The following DAB1 variants were observed in gnomAD, a reference collection of about 807,000 sequenced individuals.
DAB1 encodes disabled homolog 1.
A neutral mutation model predicts 64.6 loss-of-function variants in DAB1; 15 were observed. The observed-to-expected ratio is 0.23, with a 90% CI of 0.16 to 0.36. The LOEUF (loss-of-function observed/expected upper bound fraction) is 0.36. Among genes scored for constraint, DAB1 ranks in the 10% least tolerant of loss-of-function variants. The pLI is 1.00. For synonymous variants in DAB1, 235 were observed against 251.9 expected (o/e 0.93, Z 0.64); for missense variants, 596 against 706.7 (o/e 0.84, Z 1.78).
intron 1 of DAB1, among the ~76,000 whole-genome samples, chr1:57,882,570 T>C (rs1644161106): frequency 1.3e-5 from 2 of 152,220 alleles, no homozygotes; most frequent in Admixed American, 1.3e-4. Context: ...CTCATAGGTG[T>C]TAAGCAGATA....
At chr1:58,151,204 G>A (rs1290061582) in intron 4 of DAB1, among the ~76,000 whole-genome samples, 8 of 152,136 alleles carry the variant, frequency 5.3e-5, no homozygotes, top group Non-Finnish European at 1.0e-4. Context: ...TTGGGTATAT[G>A]CCCAGTAATG....
At chr1:57,205,105 T>A (rs1232805525) in intron 2 of DAB1, among the ~76,000 whole-genome samples, 1 of 152,184 alleles carries the variant, frequency 6.6e-6, no homozygotes, top group African/African-American at 2.4e-5. Flanking sequence ...CCTTTGTTTG[T>A]TCTCTTATTA....
chr1:57,474,783 T>C (rs1248392268), intron 7 of DAB1, among the ~76,000 whole-genome samples: 1 of 152,214 alleles, frequency 6.6e-6, no homozygotes, highest in African/African-American at 2.4e-5. Flanking sequence ...GCTTATAGGA[T>C]ATATTTGGGG....
chr1:57,950,414 T>C (rs2100233749), intron 5 of DAB1, among the ~76,000 whole-genome samples: 1 of 152,300 alleles, frequency 6.6e-6, no homozygotes, highest in South Asian at 2.1e-4. Flanking sequence ...TCATTTCTCA[T>C]CTTTGATCAC....
At chr1:57,449,515 G>A (rs1686272415) in intron 7 of DAB1, among the ~76,000 whole-genome samples, 1 of 151,874 alleles carries the variant, frequency 6.6e-6, no homozygotes. Context: ...TAAGTAGGTG[G>A]TACTACAGGT....
chr1:57,049,450 CAAAAA>C (rs574438911), intron 9 of DAB1, among the ~76,000 whole-genome samples: 14 of 24,586 alleles, frequency 5.7e-4, no homozygotes, highest in African/African-American at 7.3e-4. Context: ...GACTCCGTCT[CAAAAA>C]AAAAAAAAAA....
chr1:57,428,878 G>GTTTGA (rs1685391015), upstream of DAB1, among the ~76,000 whole-genome samples: 1 of 143,278 alleles, frequency 7.0e-6, no homozygotes, highest in Non-Finnish European at 1.5e-5. Context: ...CAAAAAAACT[G>GTTTGA]TTTGTTTGTT....
chr1:57,153,005 T>C (rs1422136934), intron 2 of DAB1, among the ~76,000 whole-genome samples: 1 of 151,652 alleles, frequency 6.6e-6, no homozygotes, highest in Non-Finnish European at 1.5e-5. Flanking sequence ...ATACATGTAC[T>C]ACTGATAATC....
intron 6 of DAB1, among the ~76,000 whole-genome samples, chr1:57,771,454 G>C (rs1301267838): frequency 6.6e-6 from 1 of 152,086 alleles, no homozygotes; most frequent in Non-Finnish European, 1.5e-5. Flanking sequence ...TGTGACATGG[G>C]ATGTTAGCCC....
At chr1:58,032,080 T>A (rs926462090) in intron 5 of DAB1, among the ~76,000 whole-genome samples, 1 of 151,404 alleles carries the variant, frequency 6.6e-6, no homozygotes, top group Non-Finnish European at 1.5e-5. Flanking sequence ...AAGTGTGGTC[T>A]ATGGACAAGC....
At chr1:58,546,083 C>T (rs1222855039) in intron 1 of DAB1, among the ~76,000 whole-genome samples, 1 of 152,218 alleles carries the variant, frequency 6.6e-6, no homozygotes, top group African/African-American at 2.4e-5. Context: ...TTGCTCCACA[C>T]ACAGGCGACA....
chr1:57,612,869 C>T (rs1033312411), intron 7 of DAB1, among the ~76,000 whole-genome samples: 1 of 151,908 alleles, frequency 6.6e-6, no homozygotes, highest in Admixed American at 6.6e-5. Context: ...TCATAGGAGG[C>T]ATTAAAAAAA....
chr1:58,244,325 C>A (rs1660438699), intron 4 of DAB1, among the ~76,000 whole-genome samples: 1 of 152,072 alleles, frequency 6.6e-6, no homozygotes, highest in South Asian at 2.1e-4. Flanking sequence ...TACACAGGTC[C>A]CAGAATCTTA....
chr1:57,741,452 T>G (rs879754891), intron 6 of DAB1, among the ~76,000 whole-genome samples: 1 of 152,176 alleles, frequency 6.6e-6, no homozygotes, highest in Non-Finnish European at 1.5e-5. Context: ...ACCATTAGCT[T>G]AAAACGTAGC....
chr1:57,170,205 G>C (rs1174555549), intron 2 of DAB1, among the ~76,000 whole-genome samples: 1 of 151,964 alleles, frequency 6.6e-6, no homozygotes, highest in Non-Finnish European at 1.5e-5. Flanking sequence ...CACCATGTTT[G>C]CCAGGCTGAT....
At chr1:57,788,806 G>T (rs539153964) in intron 6 of DAB1, among the ~76,000 whole-genome samples, 1 of 152,264 alleles carries the variant, frequency 6.6e-6, no homozygotes, top group African/African-American at 2.4e-5. Context: ...TGTGTAAATG[G>T]TTGTTGATTG....
intron 4 of DAB1, among the ~76,000 whole-genome samples, chr1:57,099,759 G>A (rs987584554): frequency 1.3e-5 from 2 of 152,252 alleles, no homozygotes; most frequent in East Asian, 3.9e-4. Flanking sequence ...ACTTCCCTTT[G>A]GGGTGGAGTA....
intron 2 of DAB1, among the ~76,000 whole-genome samples, chr1:57,203,466 A>G (rs1332800712): frequency 6.6e-6 from 1 of 152,052 alleles, no homozygotes; most frequent in African/African-American, 2.4e-5. Flanking sequence ...GTGAGTGGGA[A>G]CCAGTGGCCC....
At chr1:57,759,819 A>G (rs1648985982) in intron 6 of DAB1, among the ~76,000 whole-genome samples, 1 of 152,128 alleles carries the variant, frequency 6.6e-6, no homozygotes, top group Admixed American at 6.6e-5. Flanking sequence ...GGTGCAACAA[A>G]ATGGGCTCAA....
Sources: gnomAD v4.1 joint callset for allele counts (sites outside exome capture counted in the v4.1 genomes callset) on GRCh38, gnomAD v4.1.1 for gene constraint, MANE v1.5 for transcripts, NCBI Gene and HGNC (gene_info 2026-07-23, HGNC 2026-07-21) for gene names.